The following C5 variants were observed in gnomAD, a reference collection of about 807,000 sequenced individuals.
C5 encodes C3 and PZP-like alpha-2-macroglobulin domain-containing protein 4.
C5 carries 140 observed loss-of-function variants against 218.8 expected under a neutral mutation model. The ratio of observed to expected loss-of-function variants is 0.64; its 90% CI spans 0.56 to 0.74. The LOEUF is 0.74. Ranked by LOEUF, C5 falls within the 30% of genes least tolerant of loss-of-function variation. The probability of loss-of-function intolerance (pLI) is 0.00; values close to 1 mark genes in which losing one functional copy is unlikely to be tolerated. For synonymous variants in C5, 614 were observed against 682.3 expected, an observed-to-expected ratio of 0.90 and a Z score of 1.56; for missense variants, 1,700 against 1,969.6, an observed-to-expected ratio of 0.86 and a Z score of 2.59.
chr9:121,017,233 C>T, intron 14 of C5, 129 bp downstream of exon 14: 10 of 1,099,180 alleles, frequency 9.1e-6, no homozygotes, highest in Non-Finnish European at 1.4e-5. Context: ...GATGGTTTAC[C>T]TTCCTAAAAA....
At chr9:121,059,437 C>T in the C5 span, among the ~76,000 whole-genome samples, 1,984 of 152,310 alleles carry the variant, frequency 0.013, 34 homozygotes, top group African/African-American at 0.045. The surrounding 1 kb of genome is among the most constrained non-coding windows in gnomAD (Gnocchi z 4.1). Context: ...ATGAATCAAG[C>T]TCAGCTCATT....
At chr9:120,995,342 G>C (rs41311863) in intron 22 of C5, among the ~76,000 whole-genome samples, 10,198 of 152,108 alleles carry the variant, frequency 0.067, 399 homozygotes, top group Non-Finnish European at 0.092. Context: ...AATAAGAACT[G>C]CAGTAATCTG....
At chr9:121,031,921 G>A (rs868227629) in intron 6 of C5, among the ~76,000 whole-genome samples, 192 bp downstream of exon 6, 6 of 152,054 alleles carry the variant, frequency 3.9e-5, no homozygotes, top group African/African-American at 1.4e-4. Context: ...AAAATTAGCC[G>A]GCTATGGTGG....
At chr9:121,024,961 G>C (rs1279901907) in intron 9 of C5, among the ~76,000 whole-genome samples, 2 of 152,048 alleles carry the variant, frequency 1.3e-5, no homozygotes, top group African/African-American at 4.8e-5. Flanking sequence ...ATAAAAAGAA[G>C]AAACATTAAA....
intron 27 of C5, among the ~76,000 whole-genome samples, chr9:120,981,394 A>G (rs1286496635): frequency 6.6e-6 from 1 of 152,132 alleles, no homozygotes; most frequent in African/African-American, 2.4e-5. Flanking sequence ...TGTTGTTTGG[A>G]AGGATTTGGA....
At chr9:120,965,717 G>C (rs1040435028) in intron 33 of C5, among the ~76,000 whole-genome samples, 4 of 152,058 alleles carry the variant, frequency 2.6e-5, no homozygotes, top group African/African-American at 9.7e-5. Context: ...TGTGACATCC[G>C]AACATCTCCC....
In C5 at chr9:120,991,236, C is replaced by A. The variant is rs2230212; in HGVS notation, c.2896G>T (p.Asp966Tyr). ...TTGATTTCTGTTTTGGGGACCAAAT[C>A]TAAGGGTATCCTGTATGGGAACTCC... The part of the protein sequence containing the change: ...RKEFPYRIPL[D>Y]LVPKTEIKRI... The change falls in exon 23 of 41, where the codon GAT becomes TAT. Residue 966 changes from aspartate (D) to tyrosine (Y), a missense_variant. Transcript: ENST00000223642. 2,311 of 1,611,648 alleles carry A rather than the reference C, an allele frequency of 1.4e-3. 53 individuals are homozygous for A. In the East Asian group the frequency reaches 0.047, roughly 33 times the overall value.
At position 121,033,796 on chromosome 9, in the gene C5, C is replaced by A. The variant is rs372058457; in HGVS notation, c.584+1007G>T. The stretch of plus-strand genomic sequence containing the variant: ...CATAAAAAGATGTTGTTCTAAAATT[C>A]TAGTGCAGCCATGTATAGATGCACT... On this transcript the variant is annotated intron_variant, in intron 5 of 40. Coordinates refer to ENST00000223642, the MANE Select transcript of C5 (RefSeq NM_001735.3). Among the ~76,000 whole-genome samples, 8 of 152,308 alleles carry A rather than the reference C, an allele frequency of 5.3e-5. No individual in the cohort carries two copies. The East Asian group carries it at 1.5e-3, about 29-fold the overall frequency.
At chr9:120,979,522 T>C (rs1186152824) in intron 28 of C5, 2 of 153,430 alleles carry the variant, frequency 1.3e-5, no homozygotes, top group African/African-American at 4.8e-5. Flanking sequence ...TCCCAGAGAC[T>C]GGAATAGTGC....
Position 121,050,222 on chromosome 9 carries a change from A to C in C5, c.25T>G (p.Phe9Val), listed in dbSNP as rs776535387. 29 of 1,613,888 alleles carry C rather than the reference A, an allele frequency of 1.8e-5. No homozygotes were observed. The highest frequency in any genetic ancestry group is 1.6e-4 in the Middle Eastern group (1 of 6,080). MGLLGILC[F>V]LIFLGKTWGQ... ...CAGGTTTTCCCCAGGAAGATTAAAA[A>C]ACAAAGTATTCCCAAAAGGCCCATG... Residue 9 changes from phenylalanine to valine, a missense_variant, in exon 1 of 41, where the codon TTT becomes GTT. Phe to Val is a conservative substitution (Grantham distance 50). Transcript: ENST00000223642.
intron 30 of C5, among the ~76,000 whole-genome samples, chr9:120,973,987 T>A (rs2046933627): frequency 6.6e-6 from 1 of 152,014 alleles, no homozygotes; most frequent in African/African-American, 2.4e-5. Context: ...AAAAAAAAAT[T>A]ATTTCTCATG....
At chr9:120,985,090 A>G (rs2047023374) in intron 25 of C5, among the ~76,000 whole-genome samples, 1 of 152,108 alleles carries the variant, frequency 6.6e-6, no homozygotes, top group Non-Finnish European at 1.5e-5. Context: ...TGGTATCCTT[A>G]AGGAGTGAGA....
Position 120,981,954 on chromosome 9 carries a change from T to C in C5, c.3391-15A>G. 6.3e-7 allele frequency: 1 copy of C among 1,580,884 alleles called. No individual in the cohort carries two copies. Among genetic ancestry groups the C allele is most frequent in the Non-Finnish European group, 8.7e-7 (1 of 1,150,046 alleles). On this transcript the variant is annotated splice_polypyrimidine_tract_variant and intron_variant, in intron 26 of 40. Coordinates refer to ENST00000223642, the MANE Select transcript of C5 (RefSeq NM_001735.3). ...GGCAAGGTACCCTAAAAAGAAGCAA[T>C]GTTTTAAAAGGGGAGTGAAATGGTG...
the C5 span, among the ~76,000 whole-genome samples, chr9:121,060,853 A>C: frequency 6.6e-6 from 1 of 152,250 alleles, no homozygotes. Flanking sequence ...TTACAGACAA[A>C]GAATCTGATA....
intron 4 of C5, among the ~76,000 whole-genome samples, chr9:121,036,541 T>C (rs951094580): frequency 2.0e-5 from 3 of 152,232 alleles, no homozygotes; most frequent in Admixed American, 6.5e-5. Context: ...TTTCAGACAT[T>C]CTATCAGTCA....
intron 39 of C5, among the ~76,000 whole-genome samples, chr9:120,954,566 C>T (rs1481104031): frequency 6.6e-6 from 1 of 152,184 alleles, no homozygotes; most frequent in Non-Finnish European, 1.5e-5. Flanking sequence ...CTCCTCTTTA[C>T]CTCTTTTACA....
At chr9:120,984,734 T>TTTTTTC (rs1388780449) in intron 25 of C5, among the ~76,000 whole-genome samples, 1 of 144,488 alleles carries the variant, frequency 6.9e-6, no homozygotes, top group Non-Finnish European at 1.5e-5. Context: ...TTTTTTTTTT[T>TTTTTTC]TTTTTCAGAC....
chr9:120,974,251 G>A (rs1436821864), intron 30 of C5, among the ~76,000 whole-genome samples: 1 of 152,106 alleles, frequency 6.6e-6, no homozygotes, highest in Non-Finnish European at 1.5e-5. Context: ...AGGACATGGG[G>A]CAAGGAGCTG....
intron 35 of C5, 49 bp from the exon 36 acceptor site, chr9:120,962,825 T>C: frequency 6.3e-7 from 1 of 1,599,688 alleles, no homozygotes; most frequent in Non-Finnish European, 8.6e-7. Context: ...AGATGATATT[T>C]ATAATCTTTT....
Sources: allele counts gnomAD v4.1 joint callset (sites outside exome capture counted in the v4.1 genomes callset), GRCh38; gene constraint gnomAD v4.1.1; non-coding constraint Gnocchi (gnomAD v3.1); transcripts MANE v1.5; gene names NCBI Gene and HGNC (gene_info 2026-07-23, HGNC 2026-07-21).